CTTNBP2: variants seen among roughly 807,000 people sequenced by gnomAD.
The protein encoded by CTTNBP2 is cortactin-binding protein 2.
A neutral mutation model predicts 156.9 loss-of-function variants in CTTNBP2; 108 were observed. The ratio of observed to expected loss-of-function variants is 0.69; its 90% CI spans 0.59 to 0.81. The LOEUF (loss-of-function observed/expected upper bound fraction) is 0.81, where lower values mean the gene tolerates loss of function less well. CTTNBP2 is among the 30% of genes least tolerant of loss of function. The probability of loss-of-function intolerance (pLI) is 0.00; values close to 1 mark genes in which losing one functional copy is unlikely to be tolerated. For synonymous variants in CTTNBP2, 767 were observed against 751.8 expected, an observed-to-expected ratio of 1.02 and a Z score of -0.33; for missense variants, 1,924 against 2,035.4, an observed-to-expected ratio of 0.95 and a Z score of 1.05.
intron 2 of CTTNBP2, among the ~76,000 whole-genome samples, chr7:117,856,966 C>T (rs189621372): frequency 3.4e-4 from 52 of 152,294 alleles, no homozygotes; most frequent in African/African-American, 1.2e-3. Context: ...GTTAATTAAT[C>T]TTGAATCACG....
chr7:117,846,079 C>G (rs1422515697), intron 2 of CTTNBP2, among the ~76,000 whole-genome samples: 1 of 152,056 alleles, frequency 6.6e-6, no homozygotes, highest in African/African-American at 2.4e-5. Context: ...TCTCGATCTC[C>G]TGACCTCGTG....
chr7:117,715,096 C>T (rs1794270054), intron 22 of CTTNBP2, among the ~76,000 whole-genome samples: 1 of 152,032 alleles, frequency 6.6e-6, no homozygotes, highest in Admixed American at 6.5e-5. Flanking sequence ...CTACTAGAAG[C>T]TAAGAAGATA....
In CTTNBP2 at chr7:117,807,575, T is replaced by C. The variant is rs77512301; in HGVS notation, c.414+3190A>G. ...GATTCTCCCCTGTAGAAGCTAAATA[T>C]GTCCAGTAGTTGCTTTCCTGGTCTT... On this transcript the variant is annotated intron_variant, in intron 3 of 22. Coordinates refer to ENST00000160373, the MANE Select transcript of CTTNBP2 (RefSeq NM_033427.3). 2.2e-3 allele frequency among the ~76,000 whole-genome samples: 330 copies of C among 152,318 alleles called. 10 individuals are homozygous for C. The East Asian group carries it at 0.048, about 22-fold the overall frequency.
At chr7:117,809,013 G>A (rs1800109229) in intron 3 of CTTNBP2, among the ~76,000 whole-genome samples, 1 of 152,130 alleles carries the variant, frequency 6.6e-6, no homozygotes, top group South Asian at 2.1e-4. Flanking sequence ...AGACGACACA[G>A]CCAATGAAGT....
chr7:117,796,583 A>G (rs1799333205), intron 3 of CTTNBP2, among the ~76,000 whole-genome samples: 1 of 152,214 alleles, frequency 6.6e-6, no homozygotes. Flanking sequence ...GTATGATCCT[A>G]ATTATGTTAT....
chr7:117,732,649 CAAAA>C (rs397710322), intron 16 of CTTNBP2, among the ~76,000 whole-genome samples: 4 of 43,038 alleles, frequency 9.3e-5, no homozygotes, highest in Non-Finnish European at 1.5e-4. Context: ...GACTCCGTCT[CAAAA>C]AAAAAAAAAA....
At chr7:117,727,542 T>G (rs995080225) in intron 17 of CTTNBP2, among the ~76,000 whole-genome samples, 14 of 152,330 alleles carry the variant, frequency 9.2e-5, no homozygotes, top group African/African-American at 3.1e-4. Flanking sequence ...CTTCTGCCCA[T>G]GGCACCAGAA....
At chr7:117,727,537 G>A (rs1795158571) in intron 17 of CTTNBP2, among the ~76,000 whole-genome samples, 1 of 152,116 alleles carries the variant, frequency 6.6e-6, no homozygotes, top group African/African-American at 2.4e-5. Context: ...ATAGACTTCT[G>A]CCCATGGCAC....
chr7:117,818,795 T>C (rs959328723), intron 2 of CTTNBP2, among the ~76,000 whole-genome samples: 5 of 152,238 alleles, frequency 3.3e-5, no homozygotes, highest in Admixed American at 2.6e-4. Context: ...AAGCATTTTA[T>C]GTTTGAAGAG....
rs774380355 is a variant in CTTNBP2 at position 117,792,111 on chromosome 7, T to C, written c.1085A>G (p.Tyr362Cys). The C allele has an allele frequency of 3.1e-6, 5 of 1,614,012 alleles. No homozygotes were observed. Among genetic ancestry groups the C allele is most frequent in the East Asian group, 2.2e-5 (1 of 44,884 alleles). Residue 362 changes from tyrosine to cysteine, a missense_variant, in exon 4 of 23, where the codon TAT (tyrosine) becomes TGT (cysteine). Physicochemically the swap from Tyr to Cys is radical, Grantham distance 194 (BLOSUM62 -2). Transcript: ENST00000160373. This position sits in a 1 kb window ranked among gnomAD's most constrained non-coding sequence, Gnocchi z 4.2. ...ARPGIDRQASYGDLIGASVPA... is the reference protein window; with the variant it reads ...ARPGIDRQASCGDLIGASVPA... The stretch of plus-strand genomic sequence containing the variant: ...TACAGAAGCGCCAATCAAGTCACCA[T>C]AGGAAGCCTGCCTGTCAATACCTGG...
chr7:117,789,093 C>A (rs959091587), intron 4 of CTTNBP2, among the ~76,000 whole-genome samples: 2 of 152,052 alleles, frequency 1.3e-5, no homozygotes, highest in Non-Finnish European at 2.9e-5. Context: ...AATCCTAGGG[C>A]AGGATATCCT....
intron 22 of CTTNBP2, among the ~76,000 whole-genome samples, chr7:117,716,359 CAAG>C (rs1285011942): frequency 6.6e-6 from 1 of 151,914 alleles, no homozygotes; most frequent in Non-Finnish European, 1.5e-5. Flanking sequence ...TATTTTTACA[CAAG>C]AAAGTGATTT....
intron 2 of CTTNBP2, among the ~76,000 whole-genome samples, chr7:117,836,929 C>T (rs1454363652): frequency 6.6e-6 from 1 of 152,254 alleles, no homozygotes; most frequent in Admixed American, 6.5e-5. Context: ...TCCCACAACA[C>T]GTGGGAATTA....
chr7:117,817,358 A>T (rs1197135658), intron 2 of CTTNBP2, among the ~76,000 whole-genome samples: 31,198 of 76,128 alleles, frequency 0.41, 8,579 homozygotes, highest in East Asian at 0.48. Flanking sequence ...AAAAAAAAAA[A>T]AAAATATATA....
At chr7:117,815,513 T>C (rs1800525358) in intron 2 of CTTNBP2, among the ~76,000 whole-genome samples, 1 of 152,194 alleles carries the variant, frequency 6.6e-6, no homozygotes, top group Non-Finnish European at 1.5e-5. Context: ...GATGGAGGAA[T>C]AGAAAATATA....
intron 2 of CTTNBP2, among the ~76,000 whole-genome samples, chr7:117,819,020 C>T (rs1800787006): frequency 6.6e-6 from 1 of 152,116 alleles, no homozygotes; most frequent in South Asian, 2.1e-4. Flanking sequence ...TCCTTGGCTT[C>T]TAAACTGTTA....
intron 2 of CTTNBP2, among the ~76,000 whole-genome samples, chr7:117,856,479 C>T (rs1803326372): frequency 6.6e-6 from 1 of 152,188 alleles, no homozygotes; most frequent in Admixed American, 6.5e-5. Context: ...GAGTCTCTTT[C>T]TTACAGCCAC....
chr7:117,746,045 A>G lies in CTTNBP2; in HGVS notation c.3403T>C (p.Tyr1135His), dbSNP rs1343991886. 2 of 1,614,056 alleles carry G rather than the reference A, an allele frequency of 1.2e-6. No homozygotes were observed. The highest frequency in any genetic ancestry group is 2.2e-5 in the South Asian group (2 of 91,086). ...FHGPEGSLQD[Y>H]IVHQLALCLK... ...CAGAGTGCAAGCTGATGTACTATGT[A>G]GTCTTGCAAGCTTCCTTCTGGGCCG... Residue 1135 changes from tyrosine (Y) to histidine (H), a missense_variant, in exon 13 of 23, where the codon TAC becomes CAC. Physicochemically the swap from Tyr to His is moderately conservative, Grantham distance 83. Transcript: ENST00000160373.
In CTTNBP2 at chr7:117,814,274, T is replaced by C. The variant is rs1481922396; in HGVS notation, c.190-3285A>G. ...TTTTTTTTTTCTTACTGGTGTGAAA[T>C]AGTTTTTTACATGTGTATTTTTGTT... On this transcript the variant is annotated intron_variant, in intron 2 of 22. Coordinates refer to ENST00000160373, the MANE Select transcript of CTTNBP2 (RefSeq NM_033427.3). 2.6e-5 allele frequency among the ~76,000 whole-genome samples: 4 copies of C among 150,972 alleles called. No individual in the cohort carries two copies. In the East Asian group the frequency reaches 7.7e-4, roughly 29 times the overall value.
Sources: allele counts gnomAD v4.1 joint callset (sites outside exome capture counted in the v4.1 genomes callset), GRCh38; gene constraint gnomAD v4.1.1; non-coding constraint Gnocchi (gnomAD v3.1); transcripts MANE v1.5; gene names NCBI Gene and HGNC (gene_info 2026-07-23, HGNC 2026-07-21).